Variants in PDE10A observed in about 807,000 individuals in gnomAD.
PDE10A encodes phosphodiesterase 10A.
Under a neutral mutation model 97.7 loss-of-function variants are expected in PDE10A, and 39 were observed. The observed-to-expected ratio is 0.40, with a 90% CI of 0.31 to 0.52. The LOEUF is 0.52. PDE10A is among the 20% of genes least tolerant of loss of function. PDE10A has a pLI of 0.56. For missense variants in PDE10A, 731 were observed against 1,047.8 expected (o/e 0.70, Z 4.17); for synonymous variants, 371 against 376.8 (o/e 0.98, Z 0.18).
chr6:165,594,999 C>T (rs117874563), intron 1 of PDE10A, among the ~76,000 whole-genome samples: 643 of 152,316 alleles, frequency 4.2e-3, no homozygotes, highest in Non-Finnish European at 6.3e-3. Flanking sequence ...AGAGAAGTAA[C>T]TTTGTCAAAG....
chr6:165,971,149 A>G (rs1261384337), intron 1 of PDE10A, among the ~76,000 whole-genome samples: 1 of 152,172 alleles, frequency 6.6e-6, no homozygotes, highest in African/African-American at 2.4e-5. Context: ...CAAAAAAAAA[A>G]AGGAAACTTC....
chr6:165,558,510 A>G (rs1235523399), intron 1 of PDE10A, among the ~76,000 whole-genome samples: 1 of 152,194 alleles, frequency 6.6e-6, no homozygotes, highest in Non-Finnish European at 1.5e-5. Flanking sequence ...CTTGAAACAA[A>G]GAAAAATCAC....
chr6:165,733,795 C>T (rs571240572), intron 1 of PDE10A, among the ~76,000 whole-genome samples: 2 of 152,216 alleles, frequency 1.3e-5, no homozygotes, highest in South Asian at 4.2e-4. Context: ...CTGCACCAAG[C>T]TTCCACTGAA....
At chr6:165,619,444 ATAGTCTAGTGTAGTG>A (rs1787971415) in intron 1 of PDE10A, among the ~76,000 whole-genome samples, 3 of 16,964 alleles carry the variant, frequency 1.8e-4, no homozygotes, top group Non-Finnish European at 3.2e-4. Flanking sequence ...GTAGTGTAGT[ATAGTCTAGTGTAGTG>A]TAGTCTAGTG....
exon 1 of PDE10A, chr6:165,987,936 A>G: frequency 2.7e-6 from 1 of 374,924 alleles, no homozygotes; most frequent in Non-Finnish European, 5.3e-6. Context: ...CTTCGGACTC[A>G]GACCTCTCTC....
intron 1 of PDE10A, among the ~76,000 whole-genome samples, chr6:165,935,504 A>T (rs1783292833): frequency 1.3e-5 from 2 of 152,222 alleles, no homozygotes; most frequent in South Asian, 2.1e-4. Flanking sequence ...TCGATTTCTA[A>T]GGAAGAGGGA....
chr6:165,492,620 G>C (rs1780293351), intron 2 of PDE10A, among the ~76,000 whole-genome samples: 1 of 152,058 alleles, frequency 6.6e-6, no homozygotes, highest in African/African-American at 2.4e-5. Flanking sequence ...TGCAGAAAAA[G>C]CATTTGACAA....
intron 1 of PDE10A, among the ~76,000 whole-genome samples, chr6:165,898,503 C>T (rs146049720): frequency 4.0e-3 from 602 of 152,266 alleles, no homozygotes; most frequent in Non-Finnish European, 6.0e-3. Flanking sequence ...TTCCTCGTCA[C>T]TCCCGTGCTG....
intron 1 of PDE10A, among the ~76,000 whole-genome samples, chr6:165,598,265 TTTC>T (rs764401135): frequency 2.7e-5 from 4 of 150,200 alleles, no homozygotes; most frequent in Non-Finnish European, 4.4e-5. Flanking sequence ...TTTAATTTCT[TTTC>T]TTCTTATTAA....
At chr6:165,541,465 T>C (rs912701741) in intron 2 of PDE10A, among the ~76,000 whole-genome samples, 2 of 152,210 alleles carry the variant, frequency 1.3e-5, no homozygotes, top group African/African-American at 4.8e-5. Flanking sequence ...AGGTAGGAAA[T>C]GACACACTGA....
chr6:165,480,693 G>A (rs1779555262), intron 3 of PDE10A, among the ~76,000 whole-genome samples: 2 of 152,188 alleles, frequency 1.3e-5, no homozygotes, highest in South Asian at 2.1e-4. Flanking sequence ...GAACTAAAGA[G>A]CATGCCTTCT....
intron 1 of PDE10A, among the ~76,000 whole-genome samples, chr6:165,870,806 A>C (rs1781186581): frequency 6.6e-6 from 1 of 152,226 alleles, no homozygotes; most frequent in African/African-American, 2.4e-5. Flanking sequence ...TTGTAGCAAC[A>C]TAGATGGAAT....
At chr6:165,954,352 T>TA (rs1251933011) in intron 1 of PDE10A, among the ~76,000 whole-genome samples, 1 of 152,188 alleles carries the variant, frequency 6.6e-6, no homozygotes, top group African/African-American at 2.4e-5. Context: ...GACCTGAATA[T>TA]AAACGTGGTG....
intron 17 of PDE10A, among the ~76,000 whole-genome samples, chr6:165,386,154 C>T (rs539374280): frequency 3.3e-5 from 5 of 152,202 alleles, no homozygotes; most frequent in South Asian, 4.2e-4. Context: ...CCCCACATCG[C>T]GGAGGGTTTG....
intron 1 of PDE10A, among the ~76,000 whole-genome samples, chr6:165,648,352 TCTTA>T (rs1340119281): frequency 1.3e-5 from 2 of 151,944 alleles, no homozygotes; most frequent in Non-Finnish European, 2.9e-5. Context: ...ATCCACTGTT[TCTTA>T]CTGAGAAGTC....
intron 1 of PDE10A, among the ~76,000 whole-genome samples, chr6:165,878,244 G>T (rs1366452242): frequency 6.6e-6 from 1 of 152,186 alleles, no homozygotes; most frequent in Non-Finnish European, 1.5e-5. Flanking sequence ...CAGTAGCTTA[G>T]ATTTCTATAT....
chr6:165,538,582 C>G (rs1783237279), intron 2 of PDE10A, among the ~76,000 whole-genome samples: 1 of 152,090 alleles, frequency 6.6e-6, no homozygotes, highest in African/African-American at 2.4e-5. Flanking sequence ...CAAATATAGT[C>G]ATGCTACCAT....
At chr6:165,565,425 A>C (rs940666126) in intron 1 of PDE10A, among the ~76,000 whole-genome samples, 2 of 152,200 alleles carry the variant, frequency 1.3e-5, no homozygotes, top group Non-Finnish European at 2.9e-5. Flanking sequence ...AAAAGCTACA[A>C]AACTCTGATG....
At chr6:165,474,688 C>G (rs1779196101) in intron 3 of PDE10A, among the ~76,000 whole-genome samples, 1 of 151,964 alleles carries the variant, frequency 6.6e-6, no homozygotes, top group African/African-American at 2.4e-5. Flanking sequence ...AAAAAAAAAT[C>G]CATTTTACGC....
Sources: allele counts gnomAD v4.1 joint callset (sites outside exome capture counted in the v4.1 genomes callset), GRCh38; gene constraint gnomAD v4.1.1; transcripts MANE v1.5; gene names NCBI Gene and HGNC (gene_info 2026-07-23, HGNC 2026-07-21).